The following DALRD3 variants were observed in gnomAD, a reference collection of about 807,000 sequenced individuals.
The protein encoded by DALRD3 is DALR anticodon-binding domain-containing protein 3.
A neutral mutation model predicts 56.7 loss-of-function variants in DALRD3; 47 were observed. The ratio of observed to expected loss-of-function variants is 0.83; its 90% confidence interval spans 0.66 to 1.06. DALRD3 has a LOEUF of 1.06. DALRD3 is among the 50% of genes least tolerant of loss of function. The pLI is 0.00. For synonymous variants in DALRD3, 347 were observed against 308.5 expected (o/e 1.12, Z -1.31); for missense variants, 787 against 724.0 (o/e 1.09, Z -1.00).
At chr3:49,016,374 G>C in intron 8 of DALRD3, 34 bp from the exon 9 acceptor site, 1 of 1,603,478 alleles carries the variant, frequency 6.2e-7, no homozygotes, top group Non-Finnish European at 8.5e-7. Flanking sequence ...AGAGAGAGAA[G>C]GCAGCCACCA....
chr3:49,016,469 G>A lies in DALRD3; in HGVS notation c.1106C>T (p.Thr369Ile), dbSNP rs2093073600. ...TGTGCTCAGCATCTCAAACTTGATG[G>A]TGGCCACAGAGAGAACACCAAAGAT... ...TEIFGVLSVA[T>I]IKFEMLSTAP... The change falls in exon 8 of 12, where the codon ACC becomes ATC. Residue 369 changes from threonine to isoleucine, a missense_variant. Physicochemically the swap from Thr to Ile is moderately conservative, Grantham distance 89. Coordinates refer to ENST00000341949, the MANE Select transcript of DALRD3 (RefSeq NM_001009996.3). 6.2e-7 allele frequency: 1 copy of A among 1,613,952 alleles called. No homozygotes were observed. The highest frequency in any genetic ancestry group is 8.5e-7 in the Non-Finnish European group (1 of 1,180,014).
rs747774652 is a variant in DALRD3 at position 49,017,216 on chromosome 3, T to C, written c.927+12A>G. On this transcript the variant is annotated intron_variant, in intron 5 of 11. Coordinates refer to ENST00000341949, the MANE Select transcript of DALRD3 (RefSeq NM_001009996.3). ...TAGGTGGTGGGGAGCTCCACCATCATTATTAACCTACCTGTCTGAGTGGAG... is the reference window on the plus strand; with the variant it reads ...TAGGTGGTGGGGAGCTCCACCATCACTATTAACCTACCTGTCTGAGTGGAG... 2 of 1,614,120 alleles carry C rather than the reference T, an allele frequency of 1.2e-6. No homozygotes were observed. The highest frequency in any genetic ancestry group is 1.7e-6 in the Non-Finnish European group (2 of 1,180,018).
Position 49,016,850 on chromosome 3 carries a change from G to A in DALRD3, c.928-3C>T, listed in dbSNP as rs565800639. Reference sequence around the variant, plus strand: ...ACAGGGCCACAGATGAGGTGCTTCTGTCAGAAAGATGTCAGGGGCTCAGCC... The same window carrying A: ...ACAGGGCCACAGATGAGGTGCTTCTATCAGAAAGATGTCAGGGGCTCAGCC... On this transcript the variant is annotated splice_region_variant and splice_polypyrimidine_tract_variant and intron_variant, in intron 5 of 11. Transcript: ENST00000341949. The A allele has an allele frequency of 4.3e-6, 7 of 1,614,208 alleles. No homozygotes were observed. In the Admixed American group the frequency reaches 1.0e-4, roughly 23 times the overall value.
At position 49,018,313 on chromosome 3, in the gene DALRD3, C is replaced by T; in HGVS notation, c.171G>A (p.Pro57=). The stretch of plus-strand genomic sequence containing the variant: ...AGGCGAGGGCATGGAGCAAATGCTC[C>T]GGAACCTGCGGGAGAACGGGCGTGT... ...LQARFDDGQV[P]EHLLHALACL... is the part of the protein sequence containing the mutation. The change falls in exon 2 of 12, where the codon CCG becomes CCA. Residue 57 remains proline (P), a synonymous_variant. Transcript: ENST00000341949. 2.0e-6 allele frequency: 3 copies of T among 1,476,230 alleles called. 1 individual carries two copies. In the South Asian group the frequency reaches 4.1e-5, roughly 20 times the overall value. The allele number at this position is 1,476,230 out of a possible 1,614,324, so 91.4% of individuals were successfully genotyped here.
Position 49,016,285 on chromosome 3 carries a change from G to T in DALRD3, c.1202C>A (p.Thr401Asn). ...ACGGGCACAATTATACATGACAAAG[G>T]TGCCACTCTTTGTGCCCTTCGTGGA... Reference protein sequence around the residue: ...SISTKGTKSGTFVMYNCARLA... With the variant: ...SISTKGTKSGNFVMYNCARLA... The change falls in exon 9 of 12, where the codon ACC becomes AAC. Residue 401 changes from threonine (T) to asparagine (N), a missense_variant. Physicochemically the swap from Thr to Asn is moderately conservative, Grantham distance 65 (BLOSUM62 0). Coordinates refer to ENST00000341949, the MANE Select transcript of DALRD3 (RefSeq NM_001009996.3). 6.2e-7 allele frequency: 1 copy of T among 1,613,310 alleles called. No homozygotes were observed. The highest frequency in any genetic ancestry group is 8.5e-7 in the Non-Finnish European group (1 of 1,179,396).
rs750977518 is a variant in DALRD3 at position 49,017,196 on chromosome 3, G to C, written c.927+32C>G. Reference sequence around the variant, plus strand: ...GGCCCTCTGAGGTTGGGGGTTAGGTGGTGGGGAGCTCCACCATCATTATTA... The same window carrying C: ...GGCCCTCTGAGGTTGGGGGTTAGGTCGTGGGGAGCTCCACCATCATTATTA... On this transcript the variant is annotated intron_variant, in intron 5 of 11. Coordinates refer to ENST00000341949, the MANE Select transcript of DALRD3 (RefSeq NM_001009996.3). The C allele has an allele frequency of 4.3e-6, 7 of 1,613,910 alleles. No individual in the cohort carries two copies. In the Admixed American group the frequency reaches 1.2e-4, roughly 27 times the overall value.
chr3:49,015,915 G>C, intron 10 of DALRD3, 43 bp from the exon 11 acceptor site: 1 of 1,614,158 alleles, frequency 6.2e-7, no homozygotes, highest in Non-Finnish European at 8.5e-7. Context: ...CTTTGCTCTT[G>C]TGCCCCAGGC....
Position 49,016,078 on chromosome 3 carries a change from C to A in DALRD3, c.1338G>T (p.Trp446Cys). 6.2e-7 allele frequency: 1 copy of A among 1,603,224 alleles called. No homozygotes were observed. The highest frequency in any genetic ancestry group is 1.1e-5 in the South Asian group (1 of 89,988). The change falls in exon 10 of 12, where the codon TGG becomes TGT. Residue 446 changes from tryptophan (W) to cysteine (C), a missense_variant. Physicochemically the swap from Trp to Cys is radical, Grantham distance 215. Transcript: ENST00000341949. ...DFSLLHDEGEWLLLFNSILPF... is the reference protein window; with the variant it reads ...DFSLLHDEGECLLLFNSILPF... ...GGAGGATACTGTTGAAGAGCAACAACCACTCACCCTGTTGGGGAGAAAGGT... is the reference window on the plus strand; with the variant it reads ...GGAGGATACTGTTGAAGAGCAACAAACACTCACCCTGTTGGGGAGAAAGGT...
At chr3:49,020,379 G>A (rs1162411046), upstream of DALRD3, 2 of 417,414 alleles carry the variant, frequency 4.8e-6, no homozygotes, top group African/African-American at 2.0e-5. Flanking sequence ...TTAGCGAGAT[G>A]CGGGCTGAGG....
upstream of DALRD3, chr3:49,020,015 C>A (rs761899615): frequency 7.1e-5 from 30 of 422,072 alleles, no homozygotes; most frequent in Non-Finnish European, 1.2e-4. Context: ...CCACCCCACC[C>A]CCATTCCTTT....
At chr3:49,020,168 C>G (rs538769454), upstream of DALRD3, 3 of 534,328 alleles carry the variant, frequency 5.6e-6, no homozygotes, top group East Asian at 5.5e-5. Context: ...TGGGCGGACA[C>G]GACATTCCCG....
At position 49,016,039 on chromosome 3, in the gene DALRD3, C is replaced by T. The variant is rs747735716; in HGVS notation, c.1377G>A (p.Leu459=). The T allele has an allele frequency of 4.4e-6, 7 of 1,600,664 alleles. No homozygotes were observed. Among genetic ancestry groups the T allele is most frequent in the Non-Finnish European group, 6.0e-6 (7 of 1,171,040 alleles). ...LFNSILPFPD[L]LSRTAVLDCT... ...AGTCCAGCACTGCTGTCCGGCTCAG[C>T]AGATCCGGAAAGGGGAGGATACTGT... Residue 459 remains leucine (L), a synonymous_variant, in exon 10 of 12, where the codon CTG becomes CTA. Coordinates refer to ENST00000341949, the MANE Select transcript of DALRD3 (RefSeq NM_001009996.3).
chr3:49,015,584 G>A lies in DALRD3; in HGVS notation c.*4C>T. 2 of 1,614,082 alleles carry A rather than the reference G, an allele frequency of 1.2e-6. No individual in the cohort carries two copies. Among genetic ancestry groups the A allele is most frequent in the South Asian group, 2.2e-5 (2 of 91,070 alleles). ...CATTCCCAGGTATTGGAGCCTCTGT[G>A]GCCTTAAATGTGGCTCAGTGGAGGG... On this transcript the variant is annotated 3_prime_UTR_variant, in exon 12 of 12. Coordinates refer to ENST00000341949, the MANE Select transcript of DALRD3 (RefSeq NM_001009996.3).
intron 5 of DALRD3, 103 bp downstream of exon 5, chr3:49,017,123 CAA>C (rs1458074389): frequency 4.6e-6 from 7 of 1,520,520 alleles, no homozygotes; most frequent in Non-Finnish European, 6.3e-6. Context: ...CCCCCAAGGT[CAA>C]GTGTTGGTTT....
rs903392771 is a variant in DALRD3 at position 49,018,539 on chromosome 3, C to A, written c.26G>T (p.Gly9Val). Residue 9 changes from glycine to valine, a missense_variant, in exon 1 of 12, where the codon GGG becomes GTG. Physicochemically the swap from Gly to Val is moderately radical, Grantham distance 109. Coordinates refer to ENST00000341949, the MANE Select transcript of DALRD3 (RefSeq NM_001009996.3). MATRRLGV[G>V]ETLGALNAAL... ...CGCGTTGAGGGCCCCCAGCGTCTCC[C>A]CGACCCCAAGGCGCCTGGTCGCCAT... 1.3e-6 allele frequency: 2 copies of A among 1,581,192 alleles called. No homozygotes were observed. The highest frequency in any genetic ancestry group is 2.7e-5 in the African/African-American group (2 of 73,656).
At chr3:49,017,920 A>G (rs1480690126) in intron 2 of DALRD3, 51 bp from the exon 3 acceptor site, 11 of 1,551,868 alleles carry the variant, frequency 7.1e-6, no homozygotes, top group Non-Finnish European at 9.5e-6. Flanking sequence ...CCAGCTCGCC[A>G]CGACTTCCCA....
upstream of DALRD3, among the ~76,000 whole-genome samples, chr3:49,019,552 T>C (rs2093133869): frequency 6.6e-6 from 1 of 150,870 alleles, no homozygotes; most frequent in African/African-American, 2.4e-5. Flanking sequence ...TGATCTTGGC[T>C]CACCGCAACC....
rs760755516 is a variant in DALRD3 at position 49,015,867 on chromosome 3, G to C, written c.1449C>G (p.Cys483Trp). Residue 483 changes from cysteine (C) to tryptophan (W), a missense_variant, in exon 11 of 12, where the codon TGC (cysteine) becomes TGG (tryptophan). Physicochemically the swap from Cys to Trp is radical, Grantham distance 215 (BLOSUM62 -2). Coordinates refer to ENST00000341949, the MANE Select transcript of DALRD3 (RefSeq NM_001009996.3). Reference protein sequence around the residue: ...LHIAVRTEMICKFLVQLSMDF... With the variant: ...LHIAVRTEMIWKFLVQLSMDF... Reference sequence around the variant, plus strand: ...CCATGCTGAGCTGTACCAGGAACTTGCATATCTAGAGACAGAGACTGAGTC... The same window carrying C: ...CCATGCTGAGCTGTACCAGGAACTTCCATATCTAGAGACAGAGACTGAGTC... 3 of 1,614,204 alleles carry C rather than the reference G, an allele frequency of 1.9e-6. No individual in the cohort carries two copies. The highest frequency in any genetic ancestry group is 2.5e-6 in the Non-Finnish European group (3 of 1,180,028).
At chr3:49,020,589 G>A (rs1192757710), upstream of DALRD3, 1 of 475,312 alleles carries the variant, frequency 2.1e-6, no homozygotes, top group Non-Finnish European at 4.4e-6. Context: ...GGGGGTCAGG[G>A]GCACCCCATC....
Sources: allele counts gnomAD v4.1 joint callset (sites outside exome capture counted in the v4.1 genomes callset), GRCh38; gene constraint gnomAD v4.1.1; transcripts MANE v1.5; gene names NCBI Gene and HGNC (gene_info 2026-07-23, HGNC 2026-07-21).